Variants in PDE4B observed in about 807,000 individuals in gnomAD.
PDE4B encodes 3',5'-cyclic-AMP phosphodiesterase 4B.
Under a neutral mutation model 82.2 loss-of-function variants are expected in PDE4B, and 20 were observed. The observed-to-expected ratio is 0.24, with a 90% CI of 0.17 to 0.35. PDE4B has a LOEUF of 0.35. Among genes scored for constraint, PDE4B ranks in the 10% least tolerant of loss-of-function variants. The probability of loss-of-function intolerance (pLI) is 1.00; values close to 1 mark genes in which losing one functional copy is unlikely to be tolerated. For missense variants in PDE4B, 655 were observed against 907.2 expected (o/e 0.72, Z 3.57); for synonymous variants, 320 against 318.9 (o/e 1.00, Z -0.04).
chr1:66,149,625 G>C (rs1258611908), intron 3 of PDE4B, among the ~76,000 whole-genome samples: 2 of 152,186 alleles, frequency 1.3e-5, no homozygotes, highest in African/African-American at 4.8e-5. Context: ...AAGCCAAGAT[G>C]GGAGGATAGC....
intron 1 of PDE4B, among the ~76,000 whole-genome samples, chr1:65,892,583 CTG>C (rs1275273291): frequency 6.6e-6 from 1 of 152,052 alleles, no homozygotes; most frequent in African/African-American, 2.4e-5. Context: ...GTGTCTGCAT[CTG>C]TACCCACCCT....
At chr1:66,202,939 G>T (rs1056683004) in intron 3 of PDE4B, among the ~76,000 whole-genome samples, 29 of 151,786 alleles carry the variant, frequency 1.9e-4, no homozygotes, top group African/African-American at 7.0e-4. Flanking sequence ...TTTCTTCCTA[G>T]CCTTGATGGT....
chr1:65,961,913 G>A (rs1365726817), intron 3 of PDE4B, among the ~76,000 whole-genome samples: 6 of 152,140 alleles, frequency 3.9e-5, no homozygotes, highest in Non-Finnish European at 8.8e-5. Flanking sequence ...ATAACAAACA[G>A]TTAAGTGCGG....
At chr1:65,830,839 T>C (rs1029387922) in intron 1 of PDE4B, among the ~76,000 whole-genome samples, 30 of 152,256 alleles carry the variant, frequency 2.0e-4, no homozygotes, top group African/African-American at 7.2e-4. Context: ...ATTAGTTTCC[T>C]AGTTTTGAAA....
chr1:66,157,053 A>G (rs1646515199), intron 3 of PDE4B, among the ~76,000 whole-genome samples: 1 of 152,294 alleles, frequency 6.6e-6, no homozygotes, highest in Non-Finnish European at 1.5e-5. Context: ...CTCTCTTTAG[A>G]TAGGCATCTC....
At chr1:65,811,410 A>C (rs539112233) in intron 1 of PDE4B, among the ~76,000 whole-genome samples, 1 of 152,328 alleles carries the variant, frequency 6.6e-6, no homozygotes, top group Non-Finnish European at 1.5e-5. Context: ...GGGCACCTAG[A>C]AAAGTACTTA....
rs763924985 is a variant in PDE4B, at chr1:66,372,324, C to T, written c.1857C>T (p.Ile619=). The T allele has an allele frequency of 1.1e-5, 17 of 1,603,412 alleles. 1 individual carries two copies. Among genetic ancestry groups the T allele is most frequent in the East Asian group, 2.2e-5 (1 of 44,654 alleles). The change falls in exon 17 of 17, where the codon ATC becomes ATT. Residue 619 remains isoleucine (I), a synonymous_variant. Coordinates refer to ENST00000341517, the MANE Select transcript of PDE4B (RefSeq NM_002600.4). ...ASVEKSQVGF[I]DYIVHPLWET... is the part of the protein sequence containing the mutation. The stretch of plus-strand genomic sequence containing the variant: ...TTATTTTTCTCCAGGTTGGTTTCAT[C>T]GACTACATTGTCCATCCATTGTGGG...
chr1:65,964,410 A>AT (rs1649707853), intron 3 of PDE4B, among the ~76,000 whole-genome samples: 1 of 152,236 alleles, frequency 6.6e-6, no homozygotes, highest in Non-Finnish European at 1.5e-5. Flanking sequence ...GTAAGCATGC[A>AT]TTAGTATCAA....
chr1:66,101,194 G>A (rs954652913), intron 3 of PDE4B, among the ~76,000 whole-genome samples: 5 of 152,108 alleles, frequency 3.3e-5, no homozygotes, highest in Non-Finnish European at 5.9e-5. Flanking sequence ...GTATTCCATG[G>A]TGTATATGTG....
intron 7 of PDE4B, among the ~76,000 whole-genome samples, chr1:66,315,615 C>T (rs1475882455): frequency 3.9e-5 from 6 of 151,974 alleles, no homozygotes; most frequent in African/African-American, 1.2e-4. Context: ...GCCACCACGC[C>T]GGGCTAATTT....
intron 8 of PDE4B, among the ~76,000 whole-genome samples, chr1:66,343,538 T>C (rs1003797044): frequency 1.3e-5 from 2 of 152,254 alleles, no homozygotes; most frequent in Non-Finnish European, 2.9e-5. Context: ...ATTTTAGTTA[T>C]CTGGGATTTT....
chr1:65,959,134 T>A (rs1005575144), intron 3 of PDE4B, among the ~76,000 whole-genome samples: 4 of 152,242 alleles, frequency 2.6e-5, no homozygotes, highest in Non-Finnish European at 4.4e-5. Context: ...GGATAATCAT[T>A]TGAGGATTGC....
At chr1:66,358,414 C>T (rs1479242998) in intron 9 of PDE4B, among the ~76,000 whole-genome samples, 1 of 152,164 alleles carries the variant, frequency 6.6e-6, no homozygotes, top group Non-Finnish European at 1.5e-5. Flanking sequence ...GCAGCTCATG[C>T]CTGTAATCCC....
chr1:66,309,473 G>T lies in PDE4B; in HGVS notation c.635-23035G>T, dbSNP rs370993392. Among the ~76,000 whole-genome samples, 8 of 152,322 alleles carry T rather than the reference G, an allele frequency of 5.3e-5. No individual in the cohort carries two copies. The East Asian group carries it at 9.6e-4, about 18-fold the overall frequency. ...TATATAAGACAGTACTTTCCAAATT[G>T]TAAGACAAGAATATGGTATGATTCT... is the stretch of plus-strand genomic sequence containing the variant. On this transcript the variant is annotated intron_variant, in intron 7 of 16. Coordinates refer to ENST00000341517, the MANE Select transcript of PDE4B (RefSeq NM_002600.4).
At chr1:66,325,615 CTA>C in intron 7 of PDE4B, among the ~76,000 whole-genome samples, 1 of 152,202 alleles carries the variant, frequency 6.6e-6, no homozygotes, top group Non-Finnish European at 1.5e-5. Context: ...CCAACAGTCT[CTA>C]ACTTAAGACA....
At chr1:66,048,311 A>G (rs551694287) in intron 3 of PDE4B, among the ~76,000 whole-genome samples, 47 of 152,030 alleles carry the variant, frequency 3.1e-4, no homozygotes, top group African/African-American at 1.1e-3. Flanking sequence ...CCTGACAGCT[A>G]AGGAGCAATC....
chr1:65,885,855 T>TATAATAATA (rs34224891), intron 1 of PDE4B, among the ~76,000 whole-genome samples: 40 of 141,374 alleles, frequency 2.8e-4, no homozygotes, highest in Middle Eastern at 3.6e-3. Flanking sequence ...AAACTTAACG[T>TATAATAATA]ATAATAATAA....
intron 1 of PDE4B, among the ~76,000 whole-genome samples, chr1:65,842,240 A>G (rs550133953): frequency 4.6e-5 from 7 of 152,288 alleles, no homozygotes; most frequent in Admixed American, 3.9e-4. Flanking sequence ...AATACTATGT[A>G]TGGTCTCTCA....
At chr1:66,126,098 GC>G (rs1645817897) in intron 3 of PDE4B, among the ~76,000 whole-genome samples, 1 of 151,996 alleles carries the variant, frequency 6.6e-6, no homozygotes, top group South Asian at 2.1e-4. Flanking sequence ...GAGCCACTGC[GC>G]CCACCCAACA....
Sources: gnomAD v4.1 joint callset for allele counts (sites outside exome capture counted in the v4.1 genomes callset) on GRCh38, gnomAD v4.1.1 for gene constraint, MANE v1.5 for transcripts, NCBI Gene and HGNC (gene_info 2026-07-23, HGNC 2026-07-21) for gene names.